CTNNA2: variants seen among roughly 807,000 people sequenced by gnomAD.
CTNNA2 encodes the protein catenin alpha 2.
A neutral mutation model predicts 101.0 loss-of-function variants in CTNNA2; 42 were observed. The ratio of observed to expected loss-of-function variants is 0.42; its 90% CI spans 0.32 to 0.54. The LOEUF (loss-of-function observed/expected upper bound fraction) is 0.54, where lower values mean the gene tolerates loss of function less well. Ranked by LOEUF, CTNNA2 falls within the 20% of genes least tolerant of loss-of-function variation. The pLI is 0.14. For missense variants in CTNNA2, 871 were observed against 1,223.1 expected (o/e 0.71, Z 4.29); for synonymous variants, 450 against 456.4 (o/e 0.99, Z 0.18).
chr2:80,086,832 A>T (rs10193438), intron 7 of CTNNA2, among the ~76,000 whole-genome samples: 32,722 of 151,946 alleles, frequency 0.22, 6,065 homozygotes, highest in African/African-American at 0.5. Flanking sequence ...AGCATTATGA[A>T]GACATTTTCC....
At chr2:80,645,303 T>C (rs1673953265) in intron 18 of CTNNA2, among the ~76,000 whole-genome samples, 1 of 152,186 alleles carries the variant, frequency 6.6e-6, no homozygotes, top group African/African-American at 2.4e-5. Context: ...CTGTTCCTGA[T>C]TGTTCCCAAC....
intron 7 of CTNNA2, among the ~76,000 whole-genome samples, chr2:80,081,146 A>G (rs947529037): frequency 5.9e-5 from 9 of 151,604 alleles, no homozygotes; most frequent in Non-Finnish European, 1.0e-4. Context: ...TGCTTAAAGA[A>G]CTTCCCCTTA....
At chr2:79,902,257 G>C (rs1211650649) in intron 6 of CTNNA2, among the ~76,000 whole-genome samples, 1 of 152,142 alleles carries the variant, frequency 6.6e-6, no homozygotes, top group African/African-American at 2.4e-5. Flanking sequence ...GTGGCTAAGA[G>C]CATAGACGCC....
intron 3 of CTNNA2, among the ~76,000 whole-genome samples, chr2:79,777,963 A>G (rs1254093266): frequency 6.6e-6 from 1 of 151,084 alleles, no homozygotes; most frequent in Non-Finnish European, 1.5e-5. Context: ...TGAAATTCAC[A>G]TAAAACAAAT....
intron 3 of CTNNA2, among the ~76,000 whole-genome samples, chr2:79,846,217 T>C (rs1416198696): frequency 6.6e-6 from 1 of 152,202 alleles, no homozygotes; most frequent in Non-Finnish European, 1.5e-5. Context: ...ATTTTCTATC[T>C]TTAATCAACT....
intron 7 of CTNNA2, among the ~76,000 whole-genome samples, chr2:80,235,794 T>C (rs1255327961): frequency 1.3e-5 from 2 of 152,240 alleles, no homozygotes; most frequent in Non-Finnish European, 1.5e-5. Context: ...CCTGTGTTTC[T>C]ACTGCTTCTC....
intron 8 of CTNNA2, among the ~76,000 whole-genome samples, chr2:80,411,760 C>T (rs1219991353): frequency 1.3e-5 from 2 of 152,122 alleles, no homozygotes; most frequent in Non-Finnish European, 2.9e-5. Flanking sequence ...AGACAAGTGA[C>T]TTAATTCTAT....
chr2:79,651,193 A>G lies in CTNNA2; in HGVS notation c.-5-359A>G, dbSNP rs150404029. Among the ~76,000 whole-genome samples the G allele has an allele frequency of 8.5e-3, 1,293 of 152,274 alleles. 27 individuals are homozygous for G. The highest frequency in any genetic ancestry group is 0.028 in the African/African-American group (1,174 of 41,556). On this transcript the variant is annotated intron_variant, in intron 1 of 18. Coordinates refer to ENST00000402739, the MANE Select transcript of CTNNA2 (RefSeq NM_001282597.3). ...GACCTAATTGTTCCCATATTTGGCT[A>G]TCTCTAACTTTAAACATTAAGCTAC...
intron 9 of CTNNA2, among the ~76,000 whole-genome samples, chr2:80,442,369 G>C (rs746113540): frequency 6.6e-6 from 1 of 152,178 alleles, no homozygotes; most frequent in Non-Finnish European, 1.5e-5. Context: ...ACCTTCTAGA[G>C]AATTCACTGC....
In CTNNA2 at chr2:80,610,784, A is replaced by G. The variant is rs936318551; in HGVS notation, c.2430+2466A>G. On this transcript the variant is annotated intron_variant, in intron 17 of 18. Transcript: ENST00000402739. ...GCGTGTTTTTGTTTTATGTGATTCT[A>G]TGTATACAAACTGAGAAAGGCCTCT... Among the ~76,000 whole-genome samples the G allele has an allele frequency of 3.3e-5, 5 of 151,798 alleles. No homozygotes were observed. The East Asian group carries it at 7.8e-4, about 24-fold the overall frequency.
At chr2:80,590,432 GTGT>G (rs997884193) in intron 15 of CTNNA2, among the ~76,000 whole-genome samples, 76 of 69,162 alleles carry the variant, frequency 1.1e-3, no homozygotes, top group Non-Finnish European at 2.1e-3. Flanking sequence ...TTTTACTGTA[GTGT>G]TTTTTTTTCT....
intron 3 of CTNNA2, among the ~76,000 whole-genome samples, chr2:79,314,283 G>A (rs1200091698): frequency 2.0e-5 from 3 of 152,180 alleles, no homozygotes; most frequent in East Asian, 3.9e-4. Context: ...AAATGCAGAA[G>A]TAGAAGGTAT....
chr2:79,645,841 A>G (rs1430702355), intron 1 of CTNNA2, among the ~76,000 whole-genome samples: 1 of 152,238 alleles, frequency 6.6e-6, no homozygotes, highest in Non-Finnish European at 1.5e-5. Flanking sequence ...ACTCAACATC[A>G]TACGTGCAGA....
At chr2:79,441,185 A>T (rs954889834) in intron 4 of CTNNA2, among the ~76,000 whole-genome samples, 1 of 152,194 alleles carries the variant, frequency 6.6e-6, no homozygotes, top group Non-Finnish European at 1.5e-5. Context: ...AGATTGTCCT[A>T]TACAAGGAAT....
chr2:80,198,250 T>A (rs1294554271), intron 7 of CTNNA2, among the ~76,000 whole-genome samples: 1 of 152,192 alleles, frequency 6.6e-6, no homozygotes, highest in Non-Finnish European at 1.5e-5. Context: ...GCTCACCAGT[T>A]ACGTCAGGGG....
chr2:80,395,857 T>C (rs1174610772), intron 8 of CTNNA2, among the ~76,000 whole-genome samples: 2 of 152,194 alleles, frequency 1.3e-5, no homozygotes, highest in Non-Finnish European at 2.9e-5. Context: ...TCAAATCTCA[T>C]AGGGGAAAAA....
intron 9 of CTNNA2, among the ~76,000 whole-genome samples, chr2:80,529,942 C>T (rs765483017): frequency 2.0e-5 from 3 of 152,056 alleles, no homozygotes; most frequent in Non-Finnish European, 2.9e-5. Flanking sequence ...CCTGCTCCTA[C>T]GGGTGTTGGT....
chr2:80,515,111 G>A (rs1315111107), intron 9 of CTNNA2, among the ~76,000 whole-genome samples: 1 of 151,508 alleles, frequency 6.6e-6, no homozygotes, highest in Non-Finnish European at 1.5e-5. Flanking sequence ...CATAAGAAAT[G>A]GATCTTATGG....
chr2:80,057,175 GTT>G (rs1233768586), intron 7 of CTNNA2, among the ~76,000 whole-genome samples: 2 of 142,168 alleles, frequency 1.4e-5, no homozygotes, highest in Admixed American at 1.4e-4. Context: ...TATATAAGTT[GTT>G]TTTTTTTTTT....
Sources: gnomAD v4.1 joint callset for allele counts (sites outside exome capture counted in the v4.1 genomes callset) on GRCh38, gnomAD v4.1.1 for gene constraint, MANE v1.5 for transcripts, NCBI Gene and HGNC (gene_info 2026-07-23, HGNC 2026-07-21) for gene names.